Variants in AGBL1 observed in about 807,000 individuals in gnomAD.
The protein encoded by AGBL1 is AGBL carboxypeptidase 1, also known as cytosolic carboxypeptidase 4.
In AGBL1, 130 loss-of-function variants were observed where a neutral mutation model predicts 118.9. The observed-to-expected ratio is 1.09, with a 90% CI of 0.95 to 1.26. The LOEUF is 1.26. AGBL1 is among the 50% of genes most tolerant of loss of function. The pLI, the probability that AGBL1 is intolerant of heterozygous loss-of-function variation, is 0.00. For missense variants in AGBL1, 1,584 were observed against 1,298.1 expected (o/e 1.22, Z -3.38); for synonymous variants, 555 against 478.9 (o/e 1.16, Z -2.08).
At chr15:86,144,094 A>G (rs538514661) in intron 3 of AGBL1, among the ~76,000 whole-genome samples, 5 of 152,308 alleles carry the variant, frequency 3.3e-5, no homozygotes, top group South Asian at 2.1e-4. Context: ...GGGCATGGAT[A>G]ATATGGGGGA....
At chr15:86,434,624 C>T (rs2081977651) in intron 18 of AGBL1, among the ~76,000 whole-genome samples, 1 of 152,174 alleles carries the variant, frequency 6.6e-6, no homozygotes, top group Admixed American at 6.5e-5. Flanking sequence ...TAAAATCGGT[C>T]ATGGGCCAGT....
At chr15:86,376,866 C>T (rs901208121) in intron 17 of AGBL1, among the ~76,000 whole-genome samples, 2 of 152,230 alleles carry the variant, frequency 1.3e-5, no homozygotes, top group African/African-American at 4.8e-5. Flanking sequence ...AAAGGCCAGA[C>T]TTATCTTTGG....
chr15:86,113,892 C>T (rs1387464270), intron 1 of AGBL1, among the ~76,000 whole-genome samples: 5 of 152,128 alleles, frequency 3.3e-5, no homozygotes, highest in Non-Finnish European at 7.4e-5. Flanking sequence ...ATTCTCCATG[C>T]CCCAAAGGAA....
intron 22 of AGBL1, among the ~76,000 whole-genome samples, chr15:86,679,730 T>A (rs962495035): frequency 6.6e-6 from 1 of 152,156 alleles, no homozygotes; most frequent in Non-Finnish European, 1.5e-5. Flanking sequence ...TTACTATATT[T>A]TCTTAGCTTA....
Position 86,267,028 on chromosome 15 carries a change from T to C in AGBL1, c.1790T>C (p.Phe597Ser), listed in dbSNP as rs772564144. ...QDNASNCLRF[F>S]SKFESGNLRK... The stretch of plus-strand genomic sequence containing the variant: ...AATGCTTCCAATTGTTTACGGTTCT[T>C]CTCCAAATTTGAGTCAGGAAATCTT... The change falls in exon 13 of 23, where the codon TTC becomes TCC. Residue 597 changes from phenylalanine (F) to serine (S), a missense_variant. Transcript: ENST00000614907. The C allele has an allele frequency of 9.5e-6, 15 of 1,571,484 alleles. No individual in the cohort carries two copies. Among genetic ancestry groups the C allele is most frequent in the Non-Finnish European group, 1.3e-5 (15 of 1,156,926 alleles).
chr15:86,441,078 T>C (rs1283727983), intron 18 of AGBL1, among the ~76,000 whole-genome samples: 1 of 152,150 alleles, frequency 6.6e-6, no homozygotes, highest in African/African-American at 2.4e-5. Flanking sequence ...CATTCTACTA[T>C]AATCTCTCAA....
intron 22 of AGBL1, among the ~76,000 whole-genome samples, chr15:86,722,725 G>C (rs137952888): frequency 2.6e-5 from 4 of 151,932 alleles, no homozygotes; most frequent in Admixed American, 2.0e-4. Context: ...CAGGCAACCT[G>C]CAGAATGGGA....
chr15:86,629,799 C>A (rs910339325), intron 21 of AGBL1, among the ~76,000 whole-genome samples: 1 of 152,096 alleles, frequency 6.6e-6, no homozygotes, highest in Non-Finnish European at 1.5e-5. Context: ...ACAGATATTG[C>A]ATTTCCTTTA....
chr15:86,442,603 C>T (rs146997225), intron 18 of AGBL1, among the ~76,000 whole-genome samples: 20 of 152,294 alleles, frequency 1.3e-4, no homozygotes, highest in African/African-American at 4.6e-4. Flanking sequence ...TTCAATCCAC[C>T]ATTGTGGCTC....
intron 17 of AGBL1, among the ~76,000 whole-genome samples, chr15:86,328,050 C>T (rs117565024): frequency 6.6e-6 from 1 of 152,276 alleles, no homozygotes; most frequent in East Asian, 1.9e-4. Context: ...GCTCATAATA[C>T]ATAATTTTCT....
At chr15:86,413,244 A>G (rs994615955) in intron 18 of AGBL1, among the ~76,000 whole-genome samples, 6 of 152,182 alleles carry the variant, frequency 3.9e-5, no homozygotes, top group Admixed American at 3.3e-4. Flanking sequence ...TTAGAGTTGA[A>G]TTTGAAGTCC....
At chr15:86,267,389 A>T in intron 13 of AGBL1, among the ~76,000 whole-genome samples, 1 of 152,190 alleles carries the variant, frequency 6.6e-6, no homozygotes, top group Non-Finnish European at 1.5e-5. Flanking sequence ...TAATGGGTCC[A>T]TATTTCGGTG....
At chr15:86,154,312 A>G in intron 3 of AGBL1, 118 bp from the exon 4 acceptor site, 1 of 1,184,754 alleles carries the variant, frequency 8.4e-7, no homozygotes, top group Admixed American at 2.7e-5. Flanking sequence ...GGTCTGAAAA[A>G]TGTCTTTGGC....
chr15:86,474,963 G>T (rs1368294306), intron 18 of AGBL1, among the ~76,000 whole-genome samples: 1 of 152,220 alleles, frequency 6.6e-6, no homozygotes, highest in Non-Finnish European at 1.5e-5. Context: ...CCAGGCAAAA[G>T]GGTCTGGAGT....
At chr15:86,808,619 CTTTCTTTCCTCCTTCCT>C (rs1204148854) in intron 22 of AGBL1, among the ~76,000 whole-genome samples, 1 of 143,060 alleles carries the variant, frequency 7.0e-6, no homozygotes, top group African/African-American at 2.6e-5. Flanking sequence ...CCTTCCTTCC[CTTTCTTTCCTCCTTCCT>C]TTTCTTTCCT....
At chr15:86,795,018 G>A (rs1449050013) in intron 22 of AGBL1, among the ~76,000 whole-genome samples, 1 of 152,186 alleles carries the variant, frequency 6.6e-6, no homozygotes, top group African/African-American at 2.4e-5. Flanking sequence ...AAGAGACCCA[G>A]CACCCTGGGG....
intron 22 of AGBL1, among the ~76,000 whole-genome samples, chr15:86,770,923 G>C (rs755922303): frequency 1.3e-5 from 2 of 152,050 alleles, no homozygotes; most frequent in Non-Finnish European, 2.9e-5. Flanking sequence ...ACCTATCTCA[G>C]CTACACTCAT....
intron 18 of AGBL1, among the ~76,000 whole-genome samples, chr15:86,417,171 T>A (rs2081707476): frequency 6.6e-6 from 1 of 152,244 alleles, no homozygotes; most frequent in African/African-American, 2.4e-5. Flanking sequence ...TCATGTGAAC[T>A]TATTTCATTT....
chr15:86,125,151 A>T (rs1222282939), intron 1 of AGBL1, among the ~76,000 whole-genome samples: 1 of 152,184 alleles, frequency 6.6e-6, no homozygotes, highest in African/African-American at 2.4e-5. Context: ...ACTTCCTTGA[A>T]GAAAATGGGA....
Sources: allele counts gnomAD v4.1 joint callset (sites outside exome capture counted in the v4.1 genomes callset), GRCh38; gene constraint gnomAD v4.1.1; transcripts MANE v1.5; gene names NCBI Gene and HGNC (gene_info 2026-07-23, HGNC 2026-07-21).